USH1C: variants seen among roughly 807,000 people sequenced by gnomAD.
The protein encoded by USH1C is harmonin.
In USH1C, 90 loss-of-function variants were observed where a neutral mutation model predicts 119.3. That is an observed-to-expected ratio of 0.75 (90% CI 0.64 to 0.90). The LOEUF (loss-of-function observed/expected upper bound fraction) is 0.90, where lower values mean the gene tolerates loss of function less well. Among genes scored for constraint, USH1C ranks in the 40% least tolerant of loss-of-function variants. The pLI is 0.00. For synonymous variants in USH1C, 465 were observed against 443.3 expected (o/e 1.05, Z -0.62); for missense variants, 1,165 against 1,167.7 (o/e 1.00, Z 0.03).
At chr11:17,529,431 T>G (rs1263043166) in intron 4 of USH1C, among the ~76,000 whole-genome samples, 1 of 152,228 alleles carries the variant, frequency 6.6e-6, no homozygotes, top group Non-Finnish European at 1.5e-5. Context: ...GCACAGGTCT[T>G]TAGCCCAGCC....
In USH1C at chr11:17,494,165, G is replaced by T; in HGVS notation, c.*167C>A. On this transcript the variant is annotated 3_prime_UTR_variant, in exon 27 of 27. Transcript: ENST00000005226. ...CTCCACGTTGGCCTTCAGAAGAGTG[G>T]CCCGAGCTGTTCCTTATCTGGCCCT... 1.2e-6 allele frequency: 1 copy of T among 821,684 alleles called. No homozygotes were observed. The highest frequency in any genetic ancestry group is 2.0e-6 in the Non-Finnish European group (1 of 494,766). The allele number at this position is 821,684 out of a possible 1,614,324, so 50.9% of individuals were successfully genotyped here. A position where few individuals can be genotyped will look rare whatever the true frequency, so the allele number is the denominator to read the frequency against.
intron 1 of USH1C, among the ~76,000 whole-genome samples, chr11:17,537,870 C>A (rs1241394526): frequency 3.3e-5 from 5 of 152,216 alleles, no homozygotes; most frequent in African/African-American, 1.2e-4. Context: ...ATCATCCCCA[C>A]TTTACAGATG....
intron 1 of USH1C, among the ~76,000 whole-genome samples, chr11:17,534,972 G>A (rs954163886): frequency 4.6e-5 from 7 of 151,086 alleles, no homozygotes; most frequent in African/African-American, 7.3e-5. Context: ...CTGGCCTTTC[G>A]CACCCACCAC....
intron 15 of USH1C, among the ~76,000 whole-genome samples, chr11:17,513,100 A>G (rs186248520): frequency 6.6e-6 from 1 of 152,284 alleles, no homozygotes; most frequent in East Asian, 1.9e-4. Context: ...CCCTTGTTCA[A>G]TGTCAGACAT....
At position 17,524,594 on chromosome 11, in the gene USH1C, A is replaced by G. The variant is rs1592007632; in HGVS notation, c.675-59T>C. 5.2e-6 allele frequency: 8 copies of G among 1,539,800 alleles called. No homozygotes were observed. In the South Asian group the frequency reaches 9.5e-5, roughly 18 times the overall value. Reference sequence around the variant, plus strand: ...AGGTAACCCATGTCCAGTGCTCAGGATACAGGTCACTCATGAGCTGAGGAC... The same window carrying G: ...AGGTAACCCATGTCCAGTGCTCAGGGTACAGGTCACTCATGAGCTGAGGAC... On this transcript the variant is annotated intron_variant, in intron 8 of 26. Coordinates refer to ENST00000005226, the MANE Select transcript of USH1C (RefSeq NM_153676.4).
chr11:17,536,998 A>T (rs1234970027), intron 1 of USH1C, among the ~76,000 whole-genome samples: 1 of 152,318 alleles, frequency 6.6e-6, no homozygotes, highest in African/African-American at 2.4e-5. Flanking sequence ...ACTCAGAAAG[A>T]ACAGCACTGC....
intron 24 of USH1C, among the ~76,000 whole-genome samples, chr11:17,497,927 C>T (rs1185529648): frequency 1.3e-5 from 2 of 152,350 alleles, no homozygotes; most frequent in East Asian, 3.9e-4. Flanking sequence ...CTTCAAGAGT[C>T]TGTTTAAGCC....
At chr11:17,523,516 T>C in intron 9 of USH1C, 38 bp from the exon 10 acceptor site, 1 of 1,606,172 alleles carries the variant, frequency 6.2e-7, no homozygotes, top group Non-Finnish European at 8.5e-7. Flanking sequence ...GTGTTTGCGC[T>C]ATCTGTACAC....
intron 20 of USH1C, among the ~76,000 whole-genome samples, chr11:17,503,733 A>C (rs1849532998): frequency 6.6e-6 from 1 of 152,216 alleles, no homozygotes; most frequent in African/African-American, 2.4e-5. Context: ...AGGGATTGAC[A>C]TTAGCTGTGC....
chr11:17,519,585 G>C (rs1470650318), intron 14 of USH1C, among the ~76,000 whole-genome samples: 1 of 152,172 alleles, frequency 6.6e-6, no homozygotes, highest in Non-Finnish European at 1.5e-5. Flanking sequence ...CTCTCCTGAA[G>C]CTCCTATTTC....
rs1440436514 is a variant in USH1C at position 17,498,163 on chromosome 11, C to T, written c.2489G>A (p.Gly830Glu). 3 of 1,614,004 alleles carry T rather than the reference C, an allele frequency of 1.9e-6. No homozygotes were observed. The highest frequency in any genetic ancestry group is 1.7e-5 in the Admixed American group (1 of 60,016). Residue 830 changes from glycine to glutamate, a missense_variant and splice_region_variant, in exon 24 of 27, where the codon GGG (glycine) becomes GAG (glutamate). Coordinates refer to ENST00000005226, the MANE Select transcript of USH1C (RefSeq NM_153676.4). ...AALQKAWNQG[G>E]DWIDLVVAVC... ...AGGAGGGAGGGGCCTTATTCTTACC[C>T]CGCCCTGATTCCAGGCCTTCTGCAG... is the stretch of plus-strand genomic sequence containing the variant.
intron 8 of USH1C, 108 bp downstream of exon 8, chr11:17,526,239 C>T: frequency 1.1e-6 from 1 of 916,030 alleles, no homozygotes; most frequent in African/African-American, 1.6e-5. Context: ...CAGTCACACC[C>T]CTGGTGGGCA....
chr11:17,497,967 T>A (rs961867098), intron 24 of USH1C, among the ~76,000 whole-genome samples, 195 bp downstream of exon 24: 1 of 152,212 alleles, frequency 6.6e-6, no homozygotes, highest in Admixed American at 6.5e-5. Context: ...GGTCAGGAAT[T>A]GACATCTATT....
chr11:17,509,567 G>C lies in USH1C; in HGVS notation c.1802C>G (p.Pro601Arg). The change falls in exon 18 of 27, where the codon CCC becomes CGC. Residue 601 changes from proline (P) to arginine (R), a missense_variant. By Grantham distance (103) the Pro-to-Arg change is moderately radical. Coordinates refer to ENST00000005226, the MANE Select transcript of USH1C (RefSeq NM_153676.4). ...TGGCGGGGGAGGGATGGGAATGGGG[G>C]GTGGAGTGCGCTGCACCCATGGAGA... is the stretch of plus-strand genomic sequence containing the variant. ...SSSPWVQRTP[P>R]PIPIPPPPSV... The C allele has an allele frequency of 6.3e-7, 1 of 1,598,070 alleles. No individual in the cohort carries two copies.
At chr11:17,521,176 G>A (rs551090498) in intron 13 of USH1C, among the ~76,000 whole-genome samples, 170 bp downstream of exon 13, 1 of 152,130 alleles carries the variant, frequency 6.6e-6, no homozygotes, top group Non-Finnish European at 1.5e-5. Flanking sequence ...AATTATACGA[G>A]ACTATGTTTC....
chr11:17,516,581 A>G (rs1850156271), intron 14 of USH1C: 1 of 462,780 alleles, frequency 2.2e-6, no homozygotes, highest in Non-Finnish European at 4.0e-6. Flanking sequence ...CAGAACATCA[A>G]AGAGAAAACC....
chr11:17,509,975 C>A, intron 17 of USH1C, 137 bp from the exon 18 acceptor site: 4 of 1,115,174 alleles, frequency 3.6e-6, no homozygotes, highest in South Asian at 1.7e-5. Flanking sequence ...AACCATGGGG[C>A]GCCATTCCTC....
At chr11:17,526,286 C>T in intron 8 of USH1C, 61 bp downstream of exon 8, 1 of 1,401,662 alleles carries the variant, frequency 7.1e-7, no homozygotes, top group Non-Finnish European at 1.0e-6. Context: ...AAGGGGAGGG[C>T]AATAGGGGCC....
rs147727890 is a variant in USH1C at position 17,520,994 on chromosome 11, C to T, written c.1086G>A (p.Gln362=). 12 of 1,613,998 alleles carry T rather than the reference C, an allele frequency of 7.4e-6. No homozygotes were observed. Among genetic ancestry groups the T allele is most frequent in the Non-Finnish European group, 1.0e-5 (12 of 1,180,008 alleles). Residue 362 remains glutamine, a splice_region_variant and synonymous_variant, in exon 14 of 27, where the codon CAG becomes CAA. Coordinates refer to ENST00000005226, the MANE Select transcript of USH1C (RefSeq NM_153676.4). The stretch of plus-strand genomic sequence containing the variant: ...TAAACTTCTCTTCCTCCTCTACAAT[C>T]CTAAAATGAGACCCCCATGCCTGTT... ...ENERYRKEME[Q]IVEEEEKFKK... is the part of the protein sequence containing the mutation.
Sources: gnomAD v4.1 joint callset for allele counts (sites outside exome capture counted in the v4.1 genomes callset) on GRCh38, gnomAD v4.1.1 for gene constraint, MANE v1.5 for transcripts, NCBI Gene and HGNC (gene_info 2026-07-23, HGNC 2026-07-21) for gene names.